HDAC9: variants seen among roughly 807,000 people sequenced by gnomAD.
The protein encoded by HDAC9 is histone deacetylase 9.
A neutral mutation model predicts 139.4 loss-of-function variants in HDAC9; 41 were observed. The observed-to-expected ratio is 0.29, with a 90% CI of 0.23 to 0.38. The LOEUF (loss-of-function observed/expected upper bound fraction) is 0.38. HDAC9 is among the 10% of genes least tolerant of loss of function. The pLI is 1.00. For synonymous variants in HDAC9, 517 were observed against 476.2 expected (o/e 1.09, Z -1.12); for missense variants, 1,147 against 1,297.0 (o/e 0.88, Z 1.78).
intron 21 of HDAC9, chr7:18,851,383 C>T (rs564925448): frequency 5.9e-5 from 9 of 152,450 alleles, no homozygotes; most frequent in African/African-American, 1.9e-4. Context: ...GGCAGCTCCT[C>T]CTTTGCTCTC....
intron 8 of HDAC9, among the ~76,000 whole-genome samples, chr7:18,643,361 A>T (rs890786341): frequency 6.6e-6 from 1 of 152,160 alleles, no homozygotes; most frequent in South Asian, 2.1e-4. Context: ...TGCTTTCAAC[A>T]TACCTCTTGG....
chr7:18,965,507 T>G (rs1783785748), intron 24 of HDAC9, among the ~76,000 whole-genome samples: 1 of 152,204 alleles, frequency 6.6e-6, no homozygotes, highest in African/African-American at 2.4e-5. Context: ...AGGAGTCATG[T>G]ACAAGTAATT....
chr7:18,409,291 C>A (rs1332828128), intron 1 of HDAC9, among the ~76,000 whole-genome samples: 1 of 152,110 alleles, frequency 6.6e-6, no homozygotes, highest in African/African-American at 2.4e-5. Context: ...ATGTAAGTTC[C>A]TGTGCTAGTA....
At chr7:18,621,469 A>G (rs1363879955) in intron 6 of HDAC9, among the ~76,000 whole-genome samples, 3 of 152,142 alleles carry the variant, frequency 2.0e-5, no homozygotes, top group Non-Finnish European at 4.4e-5. Context: ...GGTAATCTTA[A>G]CAAGTAGACA....
chr7:18,130,738 A>T (rs1451351573), intron 1 of HDAC9, among the ~76,000 whole-genome samples: 1 of 152,084 alleles, frequency 6.6e-6, no homozygotes, highest in Non-Finnish European at 1.5e-5. Context: ...TATACATGGA[A>T]TTATATAATT....
chr7:18,130,840 C>CT (rs939342379), intron 1 of HDAC9, among the ~76,000 whole-genome samples: 52 of 151,788 alleles, frequency 3.4e-4, no homozygotes, highest in African/African-American at 1.1e-3. Flanking sequence ...CAGTTATGGA[C>CT]TTTTTTTTGC....
At chr7:18,811,249 C>T (rs1213889378) in intron 17 of HDAC9, among the ~76,000 whole-genome samples, 1 of 151,056 alleles carries the variant, frequency 6.6e-6, no homozygotes, top group Non-Finnish European at 1.5e-5. Flanking sequence ...ATTTTACTGA[C>T]TTCATCATTA....
At chr7:18,990,132 G>A (rs1283611419) in intron 25 of HDAC9, among the ~76,000 whole-genome samples, 1 of 152,162 alleles carries the variant, frequency 6.6e-6, no homozygotes, top group East Asian at 1.9e-4. Context: ...GAGGCACTCT[G>A]CGTTTTAGAG....
chr7:18,951,962 C>T (rs966369764), intron 23 of HDAC9, among the ~76,000 whole-genome samples: 7 of 151,724 alleles, frequency 4.6e-5, no homozygotes, highest in East Asian at 1.9e-4. Flanking sequence ...TTCTTGCCAA[C>T]GGAGAGAATA....
At chr7:18,697,056 G>C (rs894387925) in intron 12 of HDAC9, among the ~76,000 whole-genome samples, 1 of 152,076 alleles carries the variant, frequency 6.6e-6, no homozygotes, top group Non-Finnish European at 1.5e-5. Context: ...AAAACACAGA[G>C]GCAAATTCTT....
At chr7:18,474,702 A>T (rs191435083) in intron 1 of HDAC9, among the ~76,000 whole-genome samples, 1 of 152,308 alleles carries the variant, frequency 6.6e-6, no homozygotes, top group East Asian at 1.9e-4. Flanking sequence ...ACTACTTCTT[A>T]ATAAACACAG....
At chr7:18,656,584 T>A (rs1791261394) in intron 11 of HDAC9, among the ~76,000 whole-genome samples, 1 of 152,164 alleles carries the variant, frequency 6.6e-6, no homozygotes, top group South Asian at 2.1e-4. Context: ...ACCTTTTTGT[T>A]TAATAATTCC....
intron 25 of HDAC9, among the ~76,000 whole-genome samples, chr7:18,978,364 TGTAA>T (rs1258141169): frequency 6.6e-6 from 1 of 152,150 alleles, no homozygotes; most frequent in East Asian, 1.9e-4. Context: ...TAAGAACCAT[TGTAA>T]GTATTTTTTG....
At chr7:18,358,698 A>G (rs1783527568) in intron 1 of HDAC9, among the ~76,000 whole-genome samples, 1 of 152,206 alleles carries the variant, frequency 6.6e-6, no homozygotes, top group Admixed American at 6.5e-5. Flanking sequence ...TTCCTTCTCT[A>G]TATCACTTAG....
intron 22 of HDAC9, among the ~76,000 whole-genome samples, chr7:18,910,084 A>G (rs1802613186): frequency 6.6e-6 from 1 of 152,008 alleles, no homozygotes; most frequent in Middle Eastern, 3.4e-3. Flanking sequence ...ATTGGGATCA[A>G]TCTCTCTCTT....
chr7:18,507,041 T>G (rs2128173702), intron 2 of HDAC9, among the ~76,000 whole-genome samples: 1 of 152,202 alleles, frequency 6.6e-6, no homozygotes, highest in East Asian at 1.9e-4. Flanking sequence ...TCGCATTTTA[T>G]ATTTTACTAT....
intron 1 of HDAC9, among the ~76,000 whole-genome samples, chr7:18,462,513 G>C (rs765476717): frequency 6.6e-6 from 1 of 151,892 alleles, no homozygotes; most frequent in Non-Finnish European, 1.5e-5. Context: ...TAGCAAGCAA[G>C]CCCCCAACCC....
At chr7:18,699,464 C>G (rs1783301784) in intron 12 of HDAC9, among the ~76,000 whole-genome samples, 1 of 151,924 alleles carries the variant, frequency 6.6e-6, no homozygotes, top group Non-Finnish European at 1.5e-5. Context: ...TAATATGTTT[C>G]CAATCAGAAT....
intron 1 of HDAC9, among the ~76,000 whole-genome samples, chr7:18,111,480 G>T (rs540868052): frequency 7.0e-4 from 106 of 152,264 alleles, no homozygotes; most frequent in Admixed American, 1.9e-3. Flanking sequence ...GTGGTGGATT[G>T]GTTCCAGCGA....
Sources: gnomAD v4.1 joint callset for allele counts (sites outside exome capture counted in the v4.1 genomes callset) on GRCh38, gnomAD v4.1.1 for gene constraint, MANE v1.5 for transcripts, NCBI Gene and HGNC (gene_info 2026-07-23, HGNC 2026-07-21) for gene names.